OCA2: variants seen among roughly 807,000 people sequenced by gnomAD.
The protein encoded by OCA2 is OCA2 melanosomal transmembrane protein, also known as P protein.
A neutral mutation model predicts 100.2 loss-of-function variants in OCA2; 77 were observed. That is an observed-to-expected ratio of 0.77 (90% CI 0.64 to 0.93). The LOEUF (loss-of-function observed/expected upper bound fraction) is 0.93, where lower values mean the gene tolerates loss of function less well. Ranked by LOEUF, OCA2 falls within the 40% of genes least tolerant of loss-of-function variation. The probability of loss-of-function intolerance (pLI) is 0.00; values close to 1 mark genes in which losing one functional copy is unlikely to be tolerated. For synonymous variants in OCA2, 432 were observed against 439.2 expected, an observed-to-expected ratio of 0.98 and a Z score of 0.21; for missense variants, 1,062 against 1,089.1, an observed-to-expected ratio of 0.98 and a Z score of 0.35.
At chr15:27,732,302 T>C in the OCA2 span, among the ~76,000 whole-genome samples, 1 of 152,164 alleles carries the variant, frequency 6.6e-6, no homozygotes, top group African/African-American at 2.4e-5. Context: ...TAATGGTGTA[T>C]GGTTGGTTTC....
At chr15:28,022,844 G>A (rs2042636971) in intron 5 of OCA2, among the ~76,000 whole-genome samples, 1 of 152,222 alleles carries the variant, frequency 6.6e-6, no homozygotes, top group Admixed American at 6.5e-5. Flanking sequence ...AAGGATAAAT[G>A]TGGTTTTCTC....
chr15:27,870,475 A>G (rs1302266262), intron 21 of OCA2, among the ~76,000 whole-genome samples: 1 of 152,210 alleles, frequency 6.6e-6, no homozygotes, highest in Admixed American at 6.5e-5. Flanking sequence ...CGCCAGGAAC[A>G]GGCTCATCTG....
intron 9 of OCA2, among the ~76,000 whole-genome samples, chr15:27,994,451 T>TA (rs2041657328): frequency 6.6e-6 from 1 of 152,058 alleles, no homozygotes. Context: ...CTCTGGGAAA[T>TA]ATAGCACACC....
At chr15:28,036,938 T>C (rs1409720500) in intron 2 of OCA2, among the ~76,000 whole-genome samples, 1 of 152,054 alleles carries the variant, frequency 6.6e-6, no homozygotes, top group Admixed American at 6.5e-5. Flanking sequence ...CTGGACAAGA[T>C]GATACAGAGC....
At chr15:27,984,403 A>ACCTG (rs2041273376) in intron 13 of OCA2, among the ~76,000 whole-genome samples, 1 of 151,970 alleles carries the variant, frequency 6.6e-6, no homozygotes, top group South Asian at 2.1e-4. Flanking sequence ...CATCCCCTAC[A>ACCTG]CCTGCTCATC....
intron 19 of OCA2, among the ~76,000 whole-genome samples, chr15:27,897,041 T>A (rs776452641): frequency 9.9e-5 from 15 of 151,878 alleles, no homozygotes; most frequent in Non-Finnish European, 1.9e-4. Context: ...ATACAAAAAA[T>A]TAGCCGGGTG....
intron 2 of OCA2, among the ~76,000 whole-genome samples, chr15:28,052,985 G>C (rs192120086): frequency 1.3e-5 from 2 of 152,316 alleles, no homozygotes; most frequent in African/African-American, 4.8e-5. Context: ...GCGCTGCCAG[G>C]TAAGGCTTCA....
At chr15:27,960,517 T>A (rs1350397288) in intron 15 of OCA2, among the ~76,000 whole-genome samples, 1 of 152,188 alleles carries the variant, frequency 6.6e-6, no homozygotes, top group Non-Finnish European at 1.5e-5. Context: ...TTAATTCTTA[T>A]TGTTCCTTAG....
At chr15:27,757,730 T>C (rs75328649) in intron 23 of OCA2, among the ~76,000 whole-genome samples, 3,050 of 152,220 alleles carry the variant, frequency 0.02, 64 homozygotes, top group Non-Finnish European at 0.035. Context: ...CTCTTATAAA[T>C]CCCTTAGAAC....
At chr15:27,769,487 A>G (rs1466313910) in intron 23 of OCA2, among the ~76,000 whole-genome samples, 4 of 152,100 alleles carry the variant, frequency 2.6e-5, no homozygotes. Flanking sequence ...TCTCAGACTG[A>G]AACCATTCTT....
At chr15:27,772,989 C>A (rs1391437437) in intron 23 of OCA2, among the ~76,000 whole-genome samples, 1 of 152,052 alleles carries the variant, frequency 6.6e-6, no homozygotes, top group Admixed American at 6.6e-5. Flanking sequence ...AATTCATTTT[C>A]TCTATTCTGA....
chr15:28,019,080 T>G (rs938671431), intron 6 of OCA2, among the ~76,000 whole-genome samples: 2 of 152,088 alleles, frequency 1.3e-5, no homozygotes, highest in Non-Finnish European at 2.9e-5. Context: ...TTGGAGAAGC[T>G]AGGAGGGTGG....
chr15:27,947,519 G>A (rs551835105), intron 18 of OCA2, among the ~76,000 whole-genome samples: 3 of 152,288 alleles, frequency 2.0e-5, no homozygotes, highest in East Asian at 1.9e-4. Flanking sequence ...CGTGTGGCCC[G>A]ACAACCCTCA....
chr15:27,966,560 G>A (rs1016206022), intron 15 of OCA2, 130 bp downstream of exon 15: 20 of 960,194 alleles, frequency 2.1e-5, no homozygotes, highest in Admixed American at 7.0e-5. Context: ...GAAGGTGGAC[G>A]TGGAGAGTCA....
chr15:27,994,635 C>T (rs1293386330), intron 9 of OCA2, among the ~76,000 whole-genome samples: 6 of 152,190 alleles, frequency 3.9e-5, no homozygotes, highest in Admixed American at 2.6e-4. Flanking sequence ...GTGAGCATGG[C>T]GTGCCTCTCT....
At chr15:28,045,003 C>T (rs572190589) in intron 2 of OCA2, among the ~76,000 whole-genome samples, 2 of 152,032 alleles carry the variant, frequency 1.3e-5, no homozygotes, top group South Asian at 2.1e-4. Flanking sequence ...CAATGTCTAC[C>T]TTTTAATCGA....
chr15:27,990,829 A>C (rs1405190074), intron 9 of OCA2, among the ~76,000 whole-genome samples, 182 bp from the exon 10 acceptor site: 4 of 152,224 alleles, frequency 2.6e-5, no homozygotes, highest in Admixed American at 2.6e-4. Context: ...GCTACCACCA[A>C]CGTGCCATCT....
the OCA2 span, among the ~76,000 whole-genome samples, chr15:27,746,170 C>T: frequency 6.6e-6 from 1 of 152,178 alleles, no homozygotes; most frequent in South Asian, 2.1e-4. Context: ...AAAATTAGAA[C>T]TTTTTGGCTG....
chr15:27,799,568 A>T (rs1446520030), intron 23 of OCA2, among the ~76,000 whole-genome samples: 2 of 152,026 alleles, frequency 1.3e-5, no homozygotes, highest in Non-Finnish European at 2.9e-5. Context: ...AACATCGTGA[A>T]ATCCCATCTC....
Sources: allele counts gnomAD v4.1 joint callset (sites outside exome capture counted in the v4.1 genomes callset), GRCh38; gene constraint gnomAD v4.1.1; transcripts MANE v1.5; gene names NCBI Gene and HGNC (gene_info 2026-07-23, HGNC 2026-07-21).